Variants in MYO10 observed in about 807,000 individuals in gnomAD.
MYO10 encodes myosin X.
In MYO10, 133 loss-of-function variants were observed where a neutral mutation model predicts 257.3. The ratio of observed to expected loss-of-function variants is 0.52; its 90% CI spans 0.45 to 0.60. The LOEUF is 0.60. MYO10 is among the 20% of genes least tolerant of loss of function. The probability of loss-of-function intolerance (pLI) is 0.00; values close to 1 mark genes in which losing one functional copy is unlikely to be tolerated. For synonymous variants in MYO10, 1,104 were observed against 1,028.6 expected (o/e 1.07, Z -1.40); for missense variants, 2,399 against 2,635.7 (o/e 0.91, Z 1.97).
intron 19 of MYO10, among the ~76,000 whole-genome samples, chr5:16,722,770 T>C (rs1739199831): frequency 6.6e-6 from 1 of 152,176 alleles, no homozygotes; most frequent in Admixed American, 6.5e-5. Context: ...CTAGGTGGCT[T>C]TGGGGATAAC....
intron 2 of MYO10, among the ~76,000 whole-genome samples, chr5:16,828,998 GATTA>G (rs1157127275): frequency 1.3e-5 from 2 of 152,150 alleles, no homozygotes; most frequent in Non-Finnish European, 1.5e-5. Flanking sequence ...GGGATACAAT[GATTA>G]ATTAAACAGC....
At chr5:16,804,185 G>A (rs1289696539) in intron 3 of MYO10, among the ~76,000 whole-genome samples, 1 of 152,116 alleles carries the variant, frequency 6.6e-6, no homozygotes, top group Non-Finnish European at 1.5e-5. Flanking sequence ...CATGGCTGAC[G>A]TCTCCTTGTC....
rs77813219 is a variant in MYO10 at position 16,766,160 on chromosome 5, T to C, written c.1099A>G (p.Thr367Ala). 4.0e-3 allele frequency: 6,491 copies of C among 1,613,896 alleles called. 204 individuals carry two copies. The Admixed American group carries it at 0.07, about 17-fold the overall frequency. ...RSAELLGLDP[T>A]QLTDALTQRS... is the part of the protein sequence containing the mutation. ...TGGGTCAAAGCATCTGTGAGCTGTG[T>C]TGGGTCCAGCCCAAGTAACTCCGCA... The change falls in exon 11 of 41, where the codon ACA (threonine) becomes GCA (alanine). Residue 367 changes from threonine to alanine, a missense_variant. By Grantham distance (58) the Thr-to-Ala change is moderately conservative (BLOSUM62 0). This residue lies in a region of MYO10 where 337 missense variants were observed against 446.8 expected (regional missense o/e 0.75). Coordinates refer to ENST00000513610, the MANE Select transcript of MYO10 (RefSeq NM_012334.3).
At chr5:16,677,099 T>A (rs1242529279) in intron 33 of MYO10, among the ~76,000 whole-genome samples, 1 of 152,140 alleles carries the variant, frequency 6.6e-6, no homozygotes, top group Admixed American at 6.6e-5. Flanking sequence ...GTACCTATGC[T>A]CCTAAAATGG....
chr5:16,887,933 A>G (rs1744938709), intron 1 of MYO10, among the ~76,000 whole-genome samples: 2 of 152,204 alleles, frequency 1.3e-5, no homozygotes, highest in African/African-American at 4.8e-5. Context: ...GACATCTCCA[A>G]ATTGCTGAGA....
chr5:16,687,525 T>C (rs1320050165), intron 28 of MYO10, among the ~76,000 whole-genome samples: 2 of 151,206 alleles, frequency 1.3e-5, no homozygotes, highest in East Asian at 2.0e-4. Flanking sequence ...AAAATATATA[T>C]ATACTCCTAC....
intron 4 of MYO10, among the ~76,000 whole-genome samples, chr5:16,792,130 CACAGAGAGAG>C (rs1269644443): frequency 0.063 from 5,085 of 80,502 alleles, 102 homozygotes; most frequent in Admixed American, 0.1. Context: ...CACACACACA[CACAGAGAGAG>C]AGAGAGAGAG....
intron 3 of MYO10, among the ~76,000 whole-genome samples, chr5:16,801,300 C>T (rs1477575219): frequency 6.6e-6 from 1 of 152,126 alleles, no homozygotes; most frequent in Non-Finnish European, 1.5e-5. Context: ...CTCCGCCTCC[C>T]GGGTTAAAGC....
rs779445027 is a variant in MYO10, at chr5:16,780,717, C to A, written c.741+11G>T. 3.8e-5 allele frequency: 60 copies of A among 1,570,692 alleles called. No individual in the cohort carries two copies. The Admixed American group carries it at 3.9e-4, about 10-fold the overall frequency. On this transcript the variant is annotated intron_variant, in intron 7 of 40. Transcript: ENST00000513610. The stretch of plus-strand genomic sequence containing the variant: ...ATGGAAGAAAATGTGGATTAAATCA[C>A]GTTTACTTACTTTTTCTAATAAATC...
intron 1 of MYO10, chr5:16,902,211 A>G (rs1023153076): frequency 1.6e-5 from 10 of 642,746 alleles, no homozygotes; most frequent in South Asian, 1.2e-4. Context: ...AGGCCCGGCT[A>G]ATTTTTTTTT....
chr5:16,830,679 G>GAACACACACACACACACTCA (rs1554000810), intron 2 of MYO10, among the ~76,000 whole-genome samples: 1 of 148,920 alleles, frequency 6.7e-6, no homozygotes, highest in Non-Finnish European at 1.5e-5. Context: ...TTTTTAATAG[G>GAACACACACACACACACTCA]CACACACACA....
At chr5:16,885,138 G>A (rs1301914223) in intron 1 of MYO10, among the ~76,000 whole-genome samples, 3 of 151,344 alleles carry the variant, frequency 2.0e-5, no homozygotes, top group Non-Finnish European at 2.9e-5. Flanking sequence ...AGCAGAGGCC[G>A]ACAGGTGGGC....
intron 1 of MYO10, among the ~76,000 whole-genome samples, chr5:16,884,918 G>C (rs114639400): frequency 0.018 from 2,666 of 152,142 alleles, 42 homozygotes; most frequent in Middle Eastern, 0.037. Flanking sequence ...CCAAACTGAA[G>C]GTGTTTACAA....
intron 2 of MYO10, among the ~76,000 whole-genome samples, chr5:16,823,540 C>T (rs1352236022): frequency 5.9e-4 from 75 of 127,130 alleles, no homozygotes; most frequent in Non-Finnish European, 1.4e-4. Flanking sequence ...GGCACAATCT[C>T]GGCTCACTGC....
intron 17 of MYO10, among the ~76,000 whole-genome samples, chr5:16,758,802 A>T (rs1368569992): frequency 6.6e-6 from 1 of 152,208 alleles, no homozygotes; most frequent in Non-Finnish European, 1.5e-5. Flanking sequence ...AAAGGAGAAC[A>T]TGCATGTAAA....
chr5:16,754,738 G>T, intron 19 of MYO10, 90 bp downstream of exon 19: 2 of 831,884 alleles, frequency 2.4e-6, no homozygotes. Context: ...ACAATGAAAG[G>T]ACTTTGGAGA....
At chr5:16,672,530 T>C (rs4702164) in intron 37 of MYO10, among the ~76,000 whole-genome samples, 159 bp downstream of exon 37, 11,948 of 151,958 alleles carry the variant, frequency 0.079, 664 homozygotes, top group Admixed American at 0.13. Context: ...TCGAGAAAAA[T>C]AGCGGATATG....
chr5:16,931,634 GA>G (rs3993790), intron 1 of MYO10, among the ~76,000 whole-genome samples: 59,921 of 150,280 alleles, frequency 0.4, 12,094 homozygotes, highest in Middle Eastern at 0.5. Context: ...ATAGCAGGGG[GA>G]AAAAAAAAAT....
chr5:16,729,695 C>A (rs539507268), intron 19 of MYO10, among the ~76,000 whole-genome samples: 6 of 152,132 alleles, frequency 3.9e-5, no homozygotes, highest in African/African-American at 1.4e-4. Flanking sequence ...CCACCCGCCT[C>A]GGCCTCCCAA....
Sources: gnomAD v4.1 joint callset for allele counts (sites outside exome capture counted in the v4.1 genomes callset) on GRCh38, gnomAD v4.1.1 for gene constraint, gnomAD v4.1.1 regional missense constraint, MANE v1.5 for transcripts, NCBI Gene and HGNC (gene_info 2026-07-23, HGNC 2026-07-21) for gene names.